The following SEMA3C variants were observed in gnomAD, a reference collection of about 807,000 sequenced individuals.
SEMA3C encodes semaphorin 3C.
In SEMA3C, 47 loss-of-function variants were observed where a neutral mutation model predicts 89.4. The observed-to-expected ratio is 0.53, with a 90% CI of 0.42 to 0.67. The LOEUF is 0.67. Ranked by LOEUF, SEMA3C falls within the 30% of genes least tolerant of loss-of-function variation. SEMA3C has a pLI of 0.00. For synonymous variants in SEMA3C, 310 were observed against 320.2 expected, an observed-to-expected ratio of 0.97 and a Z score of 0.34; for missense variants, 839 against 929.1, an observed-to-expected ratio of 0.90 and a Z score of 1.26.
intron 2 of SEMA3C, among the ~76,000 whole-genome samples, chr7:80,911,695 A>C (rs1415180136): frequency 6.7e-6 from 1 of 150,166 alleles, no homozygotes; most frequent in Non-Finnish European, 1.5e-5. Flanking sequence ...GTACAATGGC[A>C]CGACCTCGAC....
intron 17 of SEMA3C, among the ~76,000 whole-genome samples, chr7:80,746,058 T>A (rs1787793460): frequency 6.6e-6 from 1 of 152,162 alleles, no homozygotes; most frequent in Admixed American, 6.6e-5. Context: ...CAGTTCCACC[T>A]GTAGTACTGC....
intron 2 of SEMA3C, among the ~76,000 whole-genome samples, chr7:80,886,150 T>C (rs1381785660): frequency 6.6e-6 from 1 of 152,152 alleles, no homozygotes; most frequent in Non-Finnish European, 1.5e-5. Context: ...TTCTATCTAA[T>C]AGAAAAGACC....
At chr7:80,749,297 C>G (rs1442156220) in intron 16 of SEMA3C, among the ~76,000 whole-genome samples, 2 of 152,154 alleles carry the variant, frequency 1.3e-5, no homozygotes, top group Non-Finnish European at 2.9e-5. Context: ...TCCACACCAA[C>G]AACTGTTCTT....
chr7:80,883,386 C>T (rs1791398416), intron 2 of SEMA3C, among the ~76,000 whole-genome samples: 1 of 152,154 alleles, frequency 6.6e-6, no homozygotes, highest in South Asian at 2.1e-4. Flanking sequence ...GAACCAGTCC[C>T]AGGAGTGTCT....
chr7:80,750,945 A>C (rs1787920401), intron 16 of SEMA3C, among the ~76,000 whole-genome samples: 1 of 152,164 alleles, frequency 6.6e-6, no homozygotes, highest in Non-Finnish European at 1.5e-5. Flanking sequence ...AGGGTTCTTC[A>C]GTGGTAAATC....
intron 2 of SEMA3C, among the ~76,000 whole-genome samples, chr7:80,853,890 A>G (rs944073482): frequency 2.8e-4 from 41 of 147,730 alleles, no homozygotes; most frequent in Admixed American, 7.5e-4. Flanking sequence ...TACCCCATAT[A>G]TATGTGTGTG....
At chr7:80,792,418 TTAAG>T (rs1451755206) in intron 11 of SEMA3C, among the ~76,000 whole-genome samples, 1 of 152,232 alleles carries the variant, frequency 6.6e-6, no homozygotes, top group Non-Finnish European at 1.5e-5. Flanking sequence ...AAATGTCTCC[TTAAG>T]TATTTGCAAG....
In SEMA3C at chr7:80,789,291, G is replaced by T. The variant is rs1206111829; in HGVS notation, c.1354+15C>A. ...TTACTACACATTAAAGCATATCTTG[G>T]GCTCAAATATTTACCTGTTCCGAGA... On this transcript the variant is annotated intron_variant, in intron 12 of 17. Coordinates refer to ENST00000265361, the MANE Select transcript of SEMA3C (RefSeq NM_006379.5). 6.2e-7 allele frequency: 1 copy of T among 1,600,626 alleles called. No individual in the cohort carries two copies. Among genetic ancestry groups the T allele is most frequent in the Non-Finnish European group, 8.6e-7 (1 of 1,169,540 alleles).
At chr7:80,794,869 C>T (rs1378264624) in intron 11 of SEMA3C, among the ~76,000 whole-genome samples, 1 of 152,132 alleles carries the variant, frequency 6.6e-6, no homozygotes, top group Non-Finnish European at 1.5e-5. Flanking sequence ...AATATAATGA[C>T]ACAATTGGCA....
At chr7:80,879,241 T>C (rs1791277285) in intron 2 of SEMA3C, among the ~76,000 whole-genome samples, 1 of 152,082 alleles carries the variant, frequency 6.6e-6, no homozygotes, top group African/African-American at 2.4e-5. Flanking sequence ...GGGAGATGTC[T>C]GAGCATACAT....
chr7:80,791,096 G>C (rs1048811901), intron 11 of SEMA3C, among the ~76,000 whole-genome samples: 5 of 151,976 alleles, frequency 3.3e-5, no homozygotes, highest in Admixed American at 2.6e-4. Context: ...TGAGTCCAAG[G>C]GGGCAGGCAG....
At chr7:80,831,739 G>T (rs1790012440) in intron 2 of SEMA3C, among the ~76,000 whole-genome samples, 1 of 152,098 alleles carries the variant, frequency 6.6e-6, no homozygotes, top group South Asian at 2.1e-4. Flanking sequence ...AAATGGAAAA[G>T]AAAAATTGAT....
At chr7:80,863,832 GATATATAT>G (rs201166330) in intron 2 of SEMA3C, among the ~76,000 whole-genome samples, 3 of 100,776 alleles carry the variant, frequency 3.0e-5, no homozygotes, top group African/African-American at 1.6e-4. Context: ...TGTGATATGT[GATATATAT>G]ATCACATATC....
chr7:80,839,333 T>G (rs1790210597), intron 2 of SEMA3C, among the ~76,000 whole-genome samples: 1 of 152,118 alleles, frequency 6.6e-6, no homozygotes, highest in Admixed American at 6.6e-5. Context: ...TCTAGACCTC[T>G]TGGCACTTCT....
intron 12 of SEMA3C, among the ~76,000 whole-genome samples, chr7:80,766,441 C>T (rs888768966): frequency 6.6e-6 from 1 of 151,982 alleles, no homozygotes; most frequent in African/African-American, 2.4e-5. Context: ...CGCAGGCATA[C>T]GCCGGGTAAA....
chr7:80,819,768 C>T (rs914626217), intron 4 of SEMA3C, among the ~76,000 whole-genome samples: 16 of 152,188 alleles, frequency 1.1e-4, no homozygotes, highest in African/African-American at 3.1e-4. Flanking sequence ...TGCTGGAGCA[C>T]AGAAACAGTC....
chr7:80,755,161 A>C (rs1788037195), intron 15 of SEMA3C, among the ~76,000 whole-genome samples: 1 of 151,508 alleles, frequency 6.6e-6, no homozygotes, highest in South Asian at 2.1e-4. Flanking sequence ...GTTTAATATC[A>C]GGCATGATAT....
intron 2 of SEMA3C, among the ~76,000 whole-genome samples, chr7:80,835,256 T>G (rs771310894): frequency 3.3e-5 from 5 of 152,288 alleles, no homozygotes; most frequent in Admixed American, 6.5e-5. Context: ...CTAGACACTT[T>G]GCTGAAATAA....
Position 80,761,638 on chromosome 7 carries a change from G to C in SEMA3C, c.1463C>G (p.Thr488Arg). ...TACCTTTTTAGATGAAATTTTCATTGTTGTTATAGGAGCATGATTCTAAAA... is the reference window on the plus strand; with the variant it reads ...TACCTTTTTAGATGAAATTTTCATTCTTGTTATAGGAGCATGATTCTAAAA... ...EVFKNHAPIT[T>R]MKISSKKQQL... The change falls in exon 14 of 18, where the codon ACA becomes AGA. Residue 488 changes from threonine (T) to arginine (R), a missense_variant. Coordinates refer to ENST00000265361, the MANE Select transcript of SEMA3C (RefSeq NM_006379.5). 7.5e-7 allele frequency: 1 copy of C among 1,337,682 alleles called. No homozygotes were observed. The highest frequency in any genetic ancestry group is 1.0e-6 in the Non-Finnish European group (1 of 969,116). 82.9% of individuals were successfully genotyped at this position (1,337,682 alleles called of 1,614,324 possible). A position where few individuals can be genotyped will look rare whatever the true frequency, so the allele number is the denominator to read the frequency against.
Sources: gnomAD v4.1 joint callset for allele counts (sites outside exome capture counted in the v4.1 genomes callset) on GRCh38, gnomAD v4.1.1 for gene constraint, MANE v1.5 for transcripts, NCBI Gene and HGNC (gene_info 2026-07-23, HGNC 2026-07-21) for gene names.